PRADC1: variants seen among roughly 807,000 people sequenced by gnomAD.
PRADC1 encodes the protein protease associated domain containing 1, also known as protease-associated domain-containing protein 1.
In PRADC1, 23 loss-of-function variants were observed where a neutral mutation model predicts 22.9. That is an observed-to-expected ratio of 1.00 (90% CI 0.72 to 1.42). PRADC1 has a LOEUF of 1.42. PRADC1 is among the 40% of genes most tolerant of loss of function. PRADC1 has a pLI of 0.00. For synonymous variants in PRADC1, 71 were observed against 100.3 expected, an observed-to-expected ratio of 0.71 and a Z score of 1.75; for missense variants, 207 against 258.3, an observed-to-expected ratio of 0.80 and a Z score of 1.36.
In PRADC1 at chr2:73,231,365, C is replaced by A. The variant is rs181670029; in HGVS notation, c.68-1152G>T. ...CTATCTCCTGACCTCGTGATCCACCCGCCTGGGCCTTCCAAAGTGCTGGGA... is the reference window on the plus strand; with the variant it reads ...CTATCTCCTGACCTCGTGATCCACCAGCCTGGGCCTTCCAAAGTGCTGGGA... On this transcript the variant is annotated intron_variant, in intron 1 of 4. Coordinates refer to ENST00000258083, the MANE Select transcript of PRADC1 (RefSeq NM_032319.3). Among the ~76,000 whole-genome samples, 231 of 152,146 alleles carry A rather than the reference C, an allele frequency of 1.5e-3. No individual in the cohort carries two copies. The Middle Eastern group carries it at 0.017, about 11-fold the overall frequency.
At chr2:73,230,430 T>TCAGCTG (rs1558556585) in intron 1 of PRADC1, among the ~76,000 whole-genome samples, 1 of 152,230 alleles carries the variant, frequency 6.6e-6, no homozygotes, top group Non-Finnish European at 1.5e-5. Flanking sequence ...GAGGCTTATA[T>TCAGCTG]CAGCTGCTGC....
At chr2:73,233,036 C>T (rs1686693654) in intron 1 of PRADC1, 58 bp downstream of exon 1, 1 of 1,517,124 alleles carries the variant, frequency 6.6e-7, no homozygotes, top group African/African-American at 1.4e-5. Flanking sequence ...ACCCGAGACG[C>T]GCGCAAGCTG....
In PRADC1 at chr2:73,228,765, C is replaced by T. The variant is rs1686569146; in HGVS notation, c.446+30G>A. On this transcript the variant is annotated intron_variant, in intron 4 of 4. Transcript: ENST00000258083. The surrounding 1 kb of genome is among the most constrained non-coding windows in gnomAD (Gnocchi z 4.0). ...CCCAGTCATGGCGCCCAGCCTGGTG[C>T]TGATAAAGCCAGAGGCAAGGAGCCC... 1 of 1,602,622 alleles carries T rather than the reference C, an allele frequency of 6.2e-7. No individual in the cohort carries two copies. Among genetic ancestry groups the T allele is most frequent in the South Asian group, 1.1e-5 (1 of 90,380 alleles).
intron 1 of PRADC1, among the ~76,000 whole-genome samples, chr2:73,231,442 G>T (rs530856625): frequency 1.2e-4 from 16 of 129,936 alleles, no homozygotes; most frequent in Admixed American, 1.2e-3. Context: ...TTTGAGACAG[G>T]GTCTCACTTT....
In PRADC1 at chr2:73,228,597, G is replaced by A; in HGVS notation, c.447-23C>T. ...TAGCTGGGAGGGCATGAAGAGAGGTGGTGACGGTCACTTTCTTGGTACCCC... is the reference window on the plus strand; with the variant it reads ...TAGCTGGGAGGGCATGAAGAGAGGTAGTGACGGTCACTTTCTTGGTACCCC... On this transcript the variant is annotated intron_variant, in intron 4 of 4. Transcript: ENST00000258083. The surrounding 1 kb of genome is among the most constrained non-coding windows in gnomAD (Gnocchi z 4.0). 2 of 1,613,870 alleles carry A rather than the reference G, an allele frequency of 1.2e-6. No individual in the cohort carries two copies. Among genetic ancestry groups the A allele is most frequent in the African/African-American group, 1.3e-5 (1 of 75,040 alleles).
In PRADC1 at chr2:73,228,997, A is replaced by G. The variant is rs1686576151; in HGVS notation, c.279-35T>C. On this transcript the variant is annotated intron_variant, in intron 3 of 4. Transcript: ENST00000258083. The surrounding 1 kb of genome is among the most constrained non-coding windows in gnomAD (Gnocchi z 4.0). ...GTGGTGATAAGACCAAAGGAAAGACAGGTCCTAGCTCCCCCTTCCCCAGAC... is the reference window on the plus strand; with the variant it reads ...GTGGTGATAAGACCAAAGGAAAGACGGGTCCTAGCTCCCCCTTCCCCAGAC... The G allele has an allele frequency of 6.2e-7, 1 of 1,602,364 alleles. No homozygotes were observed. The highest frequency in any genetic ancestry group is 1.1e-5 in the South Asian group (1 of 89,548).
At chr2:73,229,067 T>G (rs1029491447) in intron 3 of PRADC1, 105 bp from the exon 4 acceptor site, 1 of 961,256 alleles carries the variant, frequency 1.0e-6, no homozygotes, top group African/African-American at 1.6e-5. Context: ...GAATCTGTTA[T>G]AAAGGCTCAT....
At chr2:73,229,023 C>T in intron 3 of PRADC1, 61 bp from the exon 4 acceptor site, 1 of 1,499,590 alleles carries the variant, frequency 6.7e-7, no homozygotes, top group South Asian at 1.2e-5. Flanking sequence ...TTCCCCAGAC[C>T]ATCACCCTGG....
chr2:73,233,139 A>T lies in PRADC1; in HGVS notation c.22T>A (p.Trp8Arg). 1 of 1,484,568 alleles carries T rather than the reference A, an allele frequency of 6.7e-7. No homozygotes were observed. The highest frequency in any genetic ancestry group is 8.9e-7 in the Non-Finnish European group (1 of 1,129,214). The allele number at this position is 1,484,568 out of a possible 1,614,324, so 92.0% of individuals were successfully genotyped here. MVPGAAG[W>R]CCLVLWLPAC... ...GGGAGCCAGAGCACGAGACAACACC[A>T]GCCCGCGGCGCCGGGGACCATCTCC... Residue 8 changes from tryptophan (W) to arginine (R), a missense_variant, in exon 1 of 5, where the codon TGG becomes AGG. Coordinates refer to ENST00000258083, the MANE Select transcript of PRADC1 (RefSeq NM_032319.3).
intron 2 of PRADC1, 125 bp downstream of exon 2, chr2:73,229,988 G>A: frequency 2.9e-6 from 2 of 693,194 alleles, no homozygotes; most frequent in Non-Finnish European, 5.2e-6. Context: ...GCAGCTCATG[G>A]AAGGCAGAGC....
Position 73,230,228 on chromosome 2 carries a change from G to A in PRADC1, c.68-15C>T, listed in dbSNP as rs1254209742. 3.8e-6 allele frequency: 6 copies of A among 1,586,674 alleles called. No individual in the cohort carries two copies. The highest frequency in any genetic ancestry group is 5.2e-6 in the Non-Finnish European group (6 of 1,155,154). ...GATACGGAAGCCTGAAGGATAAAGA[G>A]TACAGGTAAGAAGCCTCCCAGGAAC... On this transcript the variant is annotated splice_polypyrimidine_tract_variant and intron_variant, in intron 1 of 4. Coordinates refer to ENST00000258083, the MANE Select transcript of PRADC1 (RefSeq NM_032319.3).
chr2:73,228,875 G>A lies in PRADC1; in HGVS notation c.366C>T (p.Asp122=). The change falls in exon 4 of 5, where the codon GAC becomes GAT. Residue 122 remains aspartate, a synonymous_variant. Transcript: ENST00000258083. The surrounding 1 kb of genome is among the most constrained non-coding windows in gnomAD (Gnocchi z 4.0). The part of the protein sequence containing the change: ...VIISDNAVDN[D]SFYVEMIQDS... ...CCTGGATCATCTCCACGTAGAAGCT[G>A]TCATTGTCAACTGCGTTGTCAGAGA... The A allele has an allele frequency of 6.2e-7, 1 of 1,613,606 alleles. No homozygotes were observed. The highest frequency in any genetic ancestry group is 8.5e-7 in the Non-Finnish European group (1 of 1,179,952).
chr2:73,233,060 G>A, intron 1 of PRADC1, 34 bp downstream of exon 1: 1 of 1,525,184 alleles, frequency 6.6e-7, no homozygotes, highest in Non-Finnish European at 8.7e-7. Flanking sequence ...GGCCAGCCCC[G>A]CCCTGCAACG....
At chr2:73,232,032 G>A (rs72905352) in intron 1 of PRADC1, among the ~76,000 whole-genome samples, 10,420 of 152,030 alleles carry the variant, frequency 0.069, 796 homozygotes, top group African/African-American at 0.19. Context: ...GCGGAATGTT[G>A]AAAGATAAAA....
At chr2:73,233,277 C>G, upstream of PRADC1, 1 of 647,078 alleles carries the variant, frequency 1.5e-6, no homozygotes. Context: ...CCGCTCTCGC[C>G]GCGGGCTGGA....
rs1686575746 is a variant in PRADC1, at chr2:73,228,980, AAGACCAAAGGAAAGAC to A, written c.279-34_279-19del. ...AGCAGCCCCTGGAAGAGGTGGTGATAAGACCAAAGGAAAGACAGGTCCTAGCTCCCCCTTCCCCAGA... is the reference window on the plus strand; with the variant it reads ...AGCAGCCCCTGGAAGAGGTGGTGATAAGGTCCTAGCTCCCCCTTCCCCAGA... On this transcript the variant is annotated intron_variant, in intron 3 of 4. Coordinates refer to ENST00000258083, the MANE Select transcript of PRADC1 (RefSeq NM_032319.3). This position sits in a 1 kb window ranked among gnomAD's most constrained non-coding sequence, Gnocchi z 4.0. 3.1e-6 allele frequency: 5 copies of A among 1,612,652 alleles called. No individual in the cohort carries two copies. Among genetic ancestry groups the A allele is most frequent in the Non-Finnish European group, 4.2e-6 (5 of 1,179,656 alleles).
In PRADC1 at chr2:73,228,050, G is replaced by A. The variant is rs1289489088; in HGVS notation, c.*404C>T. 4 of 218,292 alleles carry A rather than the reference G, an allele frequency of 1.8e-5. No individual in the cohort carries two copies. The highest frequency in any genetic ancestry group is 8.9e-5 in the African/African-American group (4 of 44,764). The allele number at this position is 218,292 out of a possible 1,614,324, so 13.5% of individuals were successfully genotyped here. On this transcript the variant is annotated 3_prime_UTR_variant, in exon 5 of 5. Coordinates refer to ENST00000258083, the MANE Select transcript of PRADC1 (RefSeq NM_032319.3). This position sits in a 1 kb window ranked among gnomAD's most constrained non-coding sequence, Gnocchi z 4.0. ...CTTTATTGCTAAAAAGTCAGTGAGGGTTTATTGAGTCCCCAAACACCAGCT... is the reference window on the plus strand; with the variant it reads ...CTTTATTGCTAAAAAGTCAGTGAGGATTTATTGAGTCCCCAAACACCAGCT...
chr2:73,230,274 C>A, intron 1 of PRADC1, 61 bp from the exon 2 acceptor site: 1 of 1,248,566 alleles, frequency 8.0e-7, no homozygotes, highest in Non-Finnish European at 1.2e-6. Flanking sequence ...AGGTTCAGAT[C>A]CCAGACCCTG....
chr2:73,229,731 G>A (rs1027388260), intron 2 of PRADC1, 161 bp from the exon 3 acceptor site: 8 of 634,422 alleles, frequency 1.3e-5, no homozygotes, highest in South Asian at 1.9e-5. Context: ...CTTAATTCTC[G>A]CAAAGGCCTA....
Sources: gnomAD v4.1 joint callset for allele counts (sites outside exome capture counted in the v4.1 genomes callset) on GRCh38, gnomAD v4.1.1 for gene constraint, Gnocchi (gnomAD v3.1) non-coding constraint, MANE v1.5 for transcripts, NCBI Gene and HGNC (gene_info 2026-07-23, HGNC 2026-07-21) for gene names.